Variants in DYNC2H1 observed in about 807,000 individuals in gnomAD.
The protein encoded by DYNC2H1 is cytoplasmic dynein 2 heavy chain 1.
In DYNC2H1, 410 loss-of-function variants were observed where a neutral mutation model predicts 570.0. That is an observed-to-expected ratio of 0.72 (90% CI 0.66 to 0.78). The LOEUF is 0.78. Among genes scored for constraint, DYNC2H1 ranks in the 30% least tolerant of loss-of-function variants. The pLI is 0.00. For synonymous variants in DYNC2H1, 1,688 were observed against 1,677.6 expected (o/e 1.01, Z -0.15); for missense variants, 4,865 against 5,046.4 (o/e 0.96, Z 1.09).
chr11:103,233,563 G>A (rs1202790984), intron 60 of DYNC2H1, among the ~76,000 whole-genome samples: 3 of 151,794 alleles, frequency 2.0e-5, no homozygotes, highest in Non-Finnish European at 4.4e-5. Context: ...GGGTGAGGAA[G>A]GGTGTGGTTG....
chr11:103,391,522 T>C (rs1942149822), intron 83 of DYNC2H1, among the ~76,000 whole-genome samples: 1 of 152,240 alleles, frequency 6.6e-6, no homozygotes, highest in Non-Finnish European at 1.5e-5. Context: ...CTGTCCAGCT[T>C]TGTTCTGTTG....
chr11:103,322,806 A>G (rs1370730956), intron 81 of DYNC2H1, among the ~76,000 whole-genome samples: 1 of 152,232 alleles, frequency 6.6e-6, no homozygotes, highest in Non-Finnish European at 1.5e-5. Flanking sequence ...GTTAGATGAA[A>G]GACACTGAAT....
Position 103,264,456 on chromosome 11 carries a change from A to G in DYNC2H1, c.10695+4479A>G, listed in dbSNP as rs148742962. Among the ~76,000 whole-genome samples the G allele has an allele frequency of 5.2e-5, 8 of 152,382 alleles. No individual in the cohort carries two copies. The highest frequency in any genetic ancestry group is 2.1e-4 in the South Asian group (1 of 4,830). On this transcript the variant is annotated intron_variant, in intron 70 of 88. Coordinates refer to ENST00000375735, the MANE Select transcript of DYNC2H1 (RefSeq NM_001377.3). The surrounding 1 kb of genome is among the most constrained non-coding windows in gnomAD (Gnocchi z 4.8). Reference sequence around the variant, plus strand: ...ATGAACATTGATTAGAAAATCCTCAATAAAATATTGGCAAACCGAATCCAG... The same window carrying G: ...ATGAACATTGATTAGAAAATCCTCAGTAAAATATTGGCAAACCGAATCCAG...
At chr11:103,436,701 A>G (rs1183156437) in intron 85 of DYNC2H1, among the ~76,000 whole-genome samples, 1 of 152,064 alleles carries the variant, frequency 6.6e-6, no homozygotes, top group Non-Finnish European at 1.5e-5. Context: ...GTCATCACTC[A>G]TCCCTGCTCC....
At position 103,148,569 on chromosome 11, in the gene DYNC2H1, T is replaced by G. The variant is rs1265169247; in HGVS notation, c.2898T>G (p.Ile966Met). 2 of 1,570,284 alleles carry G rather than the reference T, an allele frequency of 1.3e-6. No individual in the cohort carries two copies. Among genetic ancestry groups the G allele is most frequent in the Non-Finnish European group, 1.7e-6 (2 of 1,156,182 alleles). The change falls in exon 20 of 89, where the codon ATT becomes ATG. Residue 966 changes from isoleucine to methionine, a missense_variant. This residue lies in a region of DYNC2H1 where 1,936 missense variants were observed against 1,962.1 expected (regional missense o/e 0.99). Coordinates refer to ENST00000375735, the MANE Select transcript of DYNC2H1 (RefSeq NM_001377.3). ...TTATGCCCCAGTCTGTGGAAGAAATTGGTGATGCAAATCTACAATATAGTA... is the reference window on the plus strand; with the variant it reads ...TTATGCCCCAGTCTGTGGAAGAAATGGGTGATGCAAATCTACAATATAGTA... ...LTIMPQSVEEIGDANLQYSKL... is the reference protein window; with the variant it reads ...LTIMPQSVEEMGDANLQYSKL...
chr11:103,447,001 G>T (rs575168), intron 85 of DYNC2H1, among the ~76,000 whole-genome samples: 53,921 of 151,670 alleles, frequency 0.36, 10,129 homozygotes, highest in African/African-American at 0.48. Context: ...AGTGGTTCAG[G>T]TTCTGCATGA....
chr11:103,376,149 T>C (rs1191484599), intron 83 of DYNC2H1, among the ~76,000 whole-genome samples: 1 of 152,198 alleles, frequency 6.6e-6, no homozygotes, highest in East Asian at 1.9e-4. Flanking sequence ...CCTGCTGTCC[T>C]GTGAAGAGGT....
chr11:103,447,868 A>G (rs530001535), intron 85 of DYNC2H1, among the ~76,000 whole-genome samples: 1 of 152,212 alleles, frequency 6.6e-6, no homozygotes, highest in African/African-American at 2.4e-5. Context: ...GTTTTGTCCA[A>G]TATTTTTACC....
chr11:103,233,839 T>C (rs1275731823), intron 60 of DYNC2H1, among the ~76,000 whole-genome samples, 195 bp from the exon 61 acceptor site: 1 of 80,420 alleles, frequency 1.2e-5, no homozygotes, highest in African/African-American at 4.4e-5. Context: ...TATGTGTGTG[T>C]GTGTGTGTGT....
chr11:103,220,526 C>A, intron 56 of DYNC2H1, 97 bp from the exon 57 acceptor site: 2 of 1,205,012 alleles, frequency 1.7e-6, no homozygotes, highest in Non-Finnish European at 2.3e-6. Flanking sequence ...TAACTATAGT[C>A]ATTTTGCATA....
chr11:103,247,126 A>G (rs1864649435), intron 65 of DYNC2H1, among the ~76,000 whole-genome samples: 1 of 151,896 alleles, frequency 6.6e-6, no homozygotes, highest in South Asian at 2.1e-4. Context: ...GAAGTTGTTG[A>G]GGGAGAGGCT....
At chr11:103,426,822 G>A (rs1042593679) in intron 84 of DYNC2H1, among the ~76,000 whole-genome samples, 2 of 152,164 alleles carry the variant, frequency 1.3e-5, no homozygotes, top group Admixed American at 6.6e-5. Context: ...GACTGCCTCA[G>A]TAATTGTTTT....
intron 84 of DYNC2H1, among the ~76,000 whole-genome samples, chr11:103,420,539 A>G (rs1019126992): frequency 1.3e-5 from 2 of 151,540 alleles, no homozygotes; most frequent in Non-Finnish European, 3.0e-5. Flanking sequence ...CTCAGCAGAA[A>G]CCCTACAAGC....
chr11:103,406,410 A>G (rs1192368019), intron 84 of DYNC2H1: 1 of 152,038 alleles, frequency 6.6e-6, no homozygotes, highest in African/African-American at 2.4e-5. Flanking sequence ...TATGATAGCT[A>G]TAATAGTTGG....
At chr11:103,460,239 G>A (rs1433902154) in intron 87 of DYNC2H1, among the ~76,000 whole-genome samples, 1 of 152,068 alleles carries the variant, frequency 6.6e-6, no homozygotes, top group Non-Finnish European at 1.5e-5. Context: ...CTATCCAATT[G>A]TCAGGAGAGT....
intron 83 of DYNC2H1, 94 bp from the exon 84 acceptor site, chr11:103,399,567 CAG>C: frequency 1.2e-6 from 1 of 838,012 alleles, no homozygotes; most frequent in Non-Finnish European, 1.8e-6. Context: ...GTTTTTAAAA[CAG>C]AATAGAACAA....
Position 103,205,006 on chromosome 11 carries a change from T to C in DYNC2H1, c.8454+42T>C. 6.6e-7 allele frequency: 1 copy of C among 1,521,336 alleles called. No individual in the cohort carries two copies. Among genetic ancestry groups the C allele is most frequent in the East Asian group, 2.5e-5 (1 of 40,328 alleles). The allele number at this position is 1,521,336 out of a possible 1,614,324, so 94.2% of individuals were successfully genotyped here. ...TTAAAAAATTTAAAAGCACATTTTATTTTTGAAGTTATTGATTTTCACAAC... is the reference window on the plus strand; with the variant it reads ...TTAAAAAATTTAAAAGCACATTTTACTTTTGAAGTTATTGATTTTCACAAC... On this transcript the variant is annotated intron_variant, in intron 52 of 88. Transcript: ENST00000375735. This position sits in a 1 kb window ranked among gnomAD's most constrained non-coding sequence, Gnocchi z 4.5.
At chr11:103,136,297 C>T (rs957353504) in intron 17 of DYNC2H1, among the ~76,000 whole-genome samples, 2 of 151,130 alleles carry the variant, frequency 1.3e-5, no homozygotes, top group African/African-American at 4.9e-5. Context: ...CATATGTATA[C>T]ATGTGCCATG....
intron 84 of DYNC2H1, among the ~76,000 whole-genome samples, chr11:103,416,899 T>C (rs1943304016): frequency 6.6e-6 from 1 of 151,954 alleles, no homozygotes; most frequent in African/African-American, 2.4e-5. Context: ...AAGGCTAATA[T>C]CCAGAATCTA....
Sources: gnomAD v4.1 joint callset for allele counts (sites outside exome capture counted in the v4.1 genomes callset) on GRCh38, gnomAD v4.1.1 for gene constraint, gnomAD v4.1.1 regional missense constraint, Gnocchi (gnomAD v3.1) non-coding constraint, MANE v1.5 for transcripts, NCBI Gene and HGNC (gene_info 2026-07-23, HGNC 2026-07-21) for gene names.